The following XPO5 variants were observed in gnomAD, a reference collection of about 807,000 sequenced individuals.
XPO5 encodes exportin-5.
A neutral mutation model predicts 160.6 loss-of-function variants in XPO5; 46 were observed. The ratio of observed to expected loss-of-function variants is 0.29; its 90% CI spans 0.23 to 0.37. The LOEUF (loss-of-function observed/expected upper bound fraction) is 0.37, where lower values mean the gene tolerates loss of function less well. Among genes scored for constraint, XPO5 ranks in the 10% least tolerant of loss-of-function variants. The probability of loss-of-function intolerance (pLI) is 1.00; values close to 1 mark genes in which losing one functional copy is unlikely to be tolerated. For synonymous variants in XPO5, 537 were observed against 519.3 expected (o/e 1.03, Z -0.46); for missense variants, 1,090 against 1,463.9 (o/e 0.74, Z 4.17).
Position 43,571,009 on chromosome 6 carries a change from G to C in XPO5, c.301-15C>G, listed in dbSNP as rs779681285. 6.2e-7 allele frequency: 1 copy of C among 1,604,234 alleles called. No homozygotes were observed. The highest frequency in any genetic ancestry group is 1.3e-5 in the African/African-American group (1 of 74,442). ...TTCAATGTTCCCTGAAAAAGAACAA[G>C]AGATATTAAGAGATATGCAAGACTG... On this transcript the variant is annotated splice_polypyrimidine_tract_variant and intron_variant, in intron 3 of 31. Transcript: ENST00000265351.
In XPO5 at chr6:43,571,095, T is replaced by C. The variant is rs77611058; in HGVS notation, c.301-101A>G. The C allele has an allele frequency of 2.6e-3, 3,323 of 1,258,444 alleles. 73 individuals are homozygous for C. The African/African-American group carries it at 0.045, about 17-fold the overall frequency. 78.0% of individuals were successfully genotyped at this position (1,258,444 alleles called of 1,614,324 possible). On this transcript the variant is annotated intron_variant, in intron 3 of 31. Coordinates refer to ENST00000265351, the MANE Select transcript of XPO5 (RefSeq NM_020750.3). ...GTTGTAAAAAATTTATCAGCAGGCCTACTTTTAAACCAAACAGAACAAATG... is the reference window on the plus strand; with the variant it reads ...GTTGTAAAAAATTTATCAGCAGGCCCACTTTTAAACCAAACAGAACAAATG...
Position 43,523,570 on chromosome 6 carries a change from G to A in XPO5, c.*298C>T. On this transcript the variant is annotated 3_prime_UTR_variant, in exon 32 of 32. Transcript: ENST00000265351. ...GCTGCACGGGGGTGGGAGGGCTTGT[G>A]GGAGAAGGGCTGCTCTGCTCTAGCT... 1.8e-6 allele frequency: 1 copy of A among 564,670 alleles called. No homozygotes were observed. Among genetic ancestry groups the A allele is most frequent in the Non-Finnish European group, 3.4e-6 (1 of 291,530 alleles). The allele number at this position is 564,670 out of a possible 1,614,324, so 35.0% of individuals were successfully genotyped here.
At chr6:43,527,843 GT>G in intron 25 of XPO5, 112 bp from the exon 26 acceptor site, 1 of 1,146,882 alleles carries the variant, frequency 8.7e-7, no homozygotes, top group Non-Finnish European at 1.2e-6. Context: ...TTGGGTCTTC[GT>G]TTTATGCAAA....
At chr6:43,562,469 C>G in intron 8 of XPO5, 123 bp from the exon 9 acceptor site, 1 of 759,404 alleles carries the variant, frequency 1.3e-6, no homozygotes, top group Non-Finnish European at 2.1e-6. Context: ...ATTCCAATAG[C>G]TTTGCTAAAT....
At position 43,561,011 on chromosome 6, in the gene XPO5, TAGG is replaced by T. The variant is rs761243455; in HGVS notation, c.1012-7_1012-5del. Reference sequence around the variant, plus strand: ...TTTCTACATCAGAATCTGCACCCTGTAGGAGAAGACCACTATATTAACGGTGTT... The same window carrying T: ...TTTCTACATCAGAATCTGCACCCTGTAGAAGACCACTATATTAACGGTGTT... On this transcript the variant is annotated splice_polypyrimidine_tract_variant and splice_region_variant and intron_variant, in intron 9 of 31. Coordinates refer to ENST00000265351, the MANE Select transcript of XPO5 (RefSeq NM_020750.3). 7 of 1,611,836 alleles carry T rather than the reference TAGG, an allele frequency of 4.3e-6. No homozygotes were observed. The highest frequency in any genetic ancestry group is 1.7e-5 in the Admixed American group (1 of 59,978).
chr6:43,569,421 C>T (rs1762875005), intron 5 of XPO5, among the ~76,000 whole-genome samples: 1 of 150,694 alleles, frequency 6.6e-6, no homozygotes, highest in Admixed American at 6.6e-5. Flanking sequence ...TACAAAGGCA[C>T]ATAATGTTAA....
chr6:43,551,330 T>C lies in XPO5; in HGVS notation c.1696A>G (p.Arg566Gly), dbSNP rs1238421163. Residue 566 changes from arginine to glycine, a missense_variant, in exon 15 of 32, where the codon AGA becomes GGA. Around this residue, in one of 3 missense-constraint regions of XPO5, gnomAD observed 810 missense variants for 1,139.0 expected, o/e 0.71. Transcript: ENST00000265351. ...AAGACCTGGGGCAGGAACTCTGGTCTGTAGGTGACAAATGGAAAGAGTGCA... is the reference window on the plus strand; with the variant it reads ...AAGACCTGGGGCAGGAACTCTGGTCCGTAGGTGACAAATGGAAAGAGTGCA... ...VSALFPFVTY[R>G]PEFLPQVFSK... is the part of the protein sequence containing the mutation. 6.2e-7 allele frequency: 1 copy of C among 1,613,732 alleles called. No individual in the cohort carries two copies. Among genetic ancestry groups the C allele is most frequent in the African/African-American group, 1.3e-5 (1 of 74,938 alleles).
At chr6:43,550,980 G>C (rs922636981) in intron 15 of XPO5, 2 of 184,876 alleles carry the variant, frequency 1.1e-5, no homozygotes, top group African/African-American at 4.7e-5. Context: ...TGTTCCTAAA[G>C]AGTGAGGCAC....
intron 13 of XPO5, among the ~76,000 whole-genome samples, chr6:43,554,411 GCTTTT>G (rs1165940506): frequency 8.2e-5 from 12 of 146,270 alleles, no homozygotes; most frequent in Admixed American, 1.4e-4. Context: ...GTGCCCAGCC[GCTTTT>G]CTTTTCTTTT....
intron 2 of XPO5, among the ~76,000 whole-genome samples, chr6:43,572,922 G>A (rs1408901111): frequency 2.0e-5 from 3 of 152,176 alleles, no homozygotes; most frequent in Non-Finnish European, 4.4e-5. Flanking sequence ...AGAAAATGCA[G>A]TTTTGACATC....
Position 43,527,604 on chromosome 6 carries a change from CT to C in XPO5, c.2920+29del, listed in dbSNP as rs777747663. ...CCAGCTCTTCTTCCAGGAAAATCCTCTATAGCCCCAGTTTCGACATGCCACT... is the reference window on the plus strand; with the variant it reads ...CCAGCTCTTCTTCCAGGAAAATCCTCATAGCCCCAGTTTCGACATGCCACT... On this transcript the variant is annotated intron_variant, in intron 26 of 31. Coordinates refer to ENST00000265351, the MANE Select transcript of XPO5 (RefSeq NM_020750.3). 1.9e-6 allele frequency: 3 copies of C among 1,611,486 alleles called. No individual in the cohort carries two copies. The South Asian group carries it at 3.3e-5, about 18-fold the overall frequency.
At position 43,575,959 on chromosome 6, in the gene XPO5, CGCG is replaced by C. The variant is rs989077516; in HGVS notation, c.-98_-96del. On this transcript the variant is annotated 5_prime_UTR_variant, in exon 1 of 32. Coordinates refer to ENST00000265351, the MANE Select transcript of XPO5 (RefSeq NM_020750.3). ...GCGAGACCACCCGTTGGTACCGGGC[CGCG>C]GCGGGCGGCGGGGGTGGGAAGCTGG... 2 of 1,273,100 alleles carry C rather than the reference CGCG, an allele frequency of 1.6e-6. No homozygotes were observed. The highest frequency in any genetic ancestry group is 2.0e-5 in the Admixed American group (1 of 49,690). 78.9% of individuals were successfully genotyped at this position (1,273,100 alleles called of 1,614,324 possible). A position where few individuals can be genotyped will look rare whatever the true frequency, so the allele number is the denominator to read the frequency against.
At chr6:43,558,187 G>T (rs1582234907) in intron 12 of XPO5, among the ~76,000 whole-genome samples, 2 of 152,044 alleles carry the variant, frequency 1.3e-5, no homozygotes, top group African/African-American at 4.8e-5. Context: ...CACTTTTTGG[G>T]GGAAAGAAAT....
chr6:43,569,436 C>T (rs1762875648), intron 5 of XPO5, among the ~76,000 whole-genome samples: 1 of 150,248 alleles, frequency 6.7e-6, no homozygotes, highest in African/African-American at 2.4e-5. Context: ...TGTTAACTTA[C>T]AAGCATACAA....
intron 9 of XPO5, chr6:43,561,709 C>G (rs1354858503): frequency 6.5e-6 from 1 of 153,018 alleles, no homozygotes; most frequent in Non-Finnish European, 1.5e-5. Flanking sequence ...CTGAAACTAT[C>G]CTCTCTAACC....
At chr6:43,526,299 A>G (rs1443619445) in intron 27 of XPO5, 1 of 361,016 alleles carries the variant, frequency 2.8e-6, no homozygotes, top group Non-Finnish European at 5.2e-6. Context: ...TAGGTAAGAA[A>G]GGAATACATA....
intron 13 of XPO5, chr6:43,553,737 T>A (rs1761853984): frequency 1.3e-6 from 1 of 774,596 alleles, no homozygotes; most frequent in Admixed American, 3.9e-5. Context: ...CCTCTAACAA[T>A]GAGCGGTCTG....
intron 5 of XPO5, among the ~76,000 whole-genome samples, chr6:43,569,311 A>AAC (rs1561887038): frequency 9.4e-5 from 14 of 148,180 alleles, no homozygotes; most frequent in African/African-American, 3.6e-4. Flanking sequence ...AAAAACAACA[A>AAC]AAAAAAATAC....
At chr6:43,534,095 T>A in intron 20 of XPO5, 88 bp from the exon 21 acceptor site, 6 of 976,092 alleles carry the variant, frequency 6.1e-6, no homozygotes, top group South Asian at 1.3e-5. Context: ...ATACTACAGT[T>A]TCACACAGAT....
Sources: allele counts gnomAD v4.1 joint callset (sites outside exome capture counted in the v4.1 genomes callset), GRCh38; gene constraint gnomAD v4.1.1; regional missense constraint gnomAD v4.1.1; transcripts MANE v1.5; gene names NCBI Gene and HGNC (gene_info 2026-07-23, HGNC 2026-07-21).